The following RAB31 variants were observed in gnomAD, a reference collection of about 807,000 sequenced individuals.
RAB31 encodes the protein RAB31, member RAS oncogene family.
Under a neutral mutation model 25.6 loss-of-function variants are expected in RAB31, and 21 were observed. The ratio of observed to expected loss-of-function variants is 0.82; its 90% CI spans 0.58 to 1.18. The LOEUF (loss-of-function observed/expected upper bound fraction) is 1.18. Among genes scored for constraint, RAB31 ranks in the 50% most tolerant of loss-of-function variants. The pLI is 0.00. For synonymous variants in RAB31, 87 were observed against 84.0 expected, an observed-to-expected ratio of 1.04 and a Z score of -0.20; for missense variants, 196 against 250.1, an observed-to-expected ratio of 0.78 and a Z score of 1.46.
chr18:9,847,825 C>T (rs567425957), intron 6 of RAB31, among the ~76,000 whole-genome samples: 2 of 152,294 alleles, frequency 1.3e-5, no homozygotes, highest in Admixed American at 6.5e-5. Context: ...CTTCCCCCAT[C>T]GGCCTCCCAA....
intron 3 of RAB31, among the ~76,000 whole-genome samples, chr18:9,796,135 A>G (rs2068485991): frequency 6.6e-6 from 1 of 152,236 alleles, no homozygotes; most frequent in South Asian, 2.1e-4. Context: ...GAAGTAACAT[A>G]CTAAACATCG....
chr18:9,854,292 G>C (rs971900445), intron 6 of RAB31, among the ~76,000 whole-genome samples: 10 of 152,124 alleles, frequency 6.6e-5, no homozygotes, highest in Non-Finnish European at 1.3e-4. Context: ...TGATTTTAAA[G>C]TAGCTTAAGT....
intron 3 of RAB31, among the ~76,000 whole-genome samples, chr18:9,806,247 C>T (rs1014849098): frequency 6.6e-6 from 1 of 151,988 alleles, no homozygotes; most frequent in African/African-American, 2.4e-5. Flanking sequence ...GTTTTCTCAT[C>T]TGAATAACAG....
intron 1 of RAB31, among the ~76,000 whole-genome samples, chr18:9,774,155 A>G (rs2068360062): frequency 1.3e-5 from 2 of 152,106 alleles, no homozygotes; most frequent in Non-Finnish European, 2.9e-5. Flanking sequence ...TGCTGCACAC[A>G]TGGCCTTTGG....
At chr18:9,823,253 G>A (rs370829138) in intron 5 of RAB31, among the ~76,000 whole-genome samples, 4 of 152,126 alleles carry the variant, frequency 2.6e-5, no homozygotes, top group East Asian at 1.9e-4. Context: ...GGGAAGTAGG[G>A]GTGGGGGACG....
intron 1 of RAB31, among the ~76,000 whole-genome samples, chr18:9,774,572 G>A (rs912475255): frequency 3.9e-5 from 6 of 152,138 alleles, no homozygotes; most frequent in Non-Finnish European, 8.8e-5. Flanking sequence ...GTCTGGTGTT[G>A]TCTCTTCTCC....
At chr18:9,773,279 A>G (rs2068354821) in intron 1 of RAB31, among the ~76,000 whole-genome samples, 1 of 152,212 alleles carries the variant, frequency 6.6e-6, no homozygotes, top group Admixed American at 6.5e-5. Flanking sequence ...ATCCCACTTC[A>G]TATTTCAGTG....
At chr18:9,737,534 G>A (rs1021668036) in intron 1 of RAB31, among the ~76,000 whole-genome samples, 1 of 152,158 alleles carries the variant, frequency 6.6e-6, no homozygotes, top group African/African-American at 2.4e-5. Flanking sequence ...TGTTGGGCGG[G>A]GAAATAATGC....
intron 2 of RAB31, among the ~76,000 whole-genome samples, chr18:9,775,879 C>T (rs545626424): frequency 1.3e-5 from 2 of 152,102 alleles, no homozygotes; most frequent in African/African-American, 4.8e-5. Flanking sequence ...CTGCAACCTC[C>T]ACCTCCAGGG....
At chr18:9,713,686 T>C (rs534080693) in intron 1 of RAB31, among the ~76,000 whole-genome samples, 1 of 152,326 alleles carries the variant, frequency 6.6e-6, no homozygotes, top group East Asian at 1.9e-4. Context: ...CCATCCCTTA[T>C]GTCTTAATTT....
Position 9,723,015 on chromosome 18 carries a change from A to G in RAB31, c.39+14571A>G, listed in dbSNP as rs117632000. Among the ~76,000 whole-genome samples, 12 of 152,348 alleles carry G rather than the reference A, an allele frequency of 7.9e-5. No individual in the cohort carries two copies. In the East Asian group the frequency reaches 2.3e-3, roughly 29 times the overall value. On this transcript the variant is annotated intron_variant, in intron 1 of 6. Coordinates refer to ENST00000578921, the MANE Select transcript of RAB31 (RefSeq NM_006868.4). ...TGAAACCTCAGAAGTCTGTGTTGCAAAATAAAGCAAAGAATGCAATAGGTT... is the reference window on the plus strand; with the variant it reads ...TGAAACCTCAGAAGTCTGTGTTGCAGAATAAAGCAAAGAATGCAATAGGTT...
chr18:9,784,310 G>A (rs1306226758), intron 2 of RAB31, among the ~76,000 whole-genome samples: 2 of 152,140 alleles, frequency 1.3e-5, no homozygotes, highest in African/African-American at 4.8e-5. Context: ...AAAGTGCTGG[G>A]ATTACAGGTG....
chr18:9,825,987 G>T (rs1214344570), intron 5 of RAB31, among the ~76,000 whole-genome samples: 1 of 152,144 alleles, frequency 6.6e-6, no homozygotes, highest in South Asian at 2.1e-4. Context: ...TGCTCAGTAC[G>T]TGGGTGACAG....
At chr18:9,709,260 C>T (rs906334743) in intron 1 of RAB31, among the ~76,000 whole-genome samples, 1 of 152,180 alleles carries the variant, frequency 6.6e-6, no homozygotes, top group African/African-American at 2.4e-5. Flanking sequence ...GCTGGCGAAC[C>T]GCCCCTGGGA....
chr18:9,729,084 G>T (rs1361158514), intron 1 of RAB31, among the ~76,000 whole-genome samples: 1 of 151,988 alleles, frequency 6.6e-6, no homozygotes, highest in Non-Finnish European at 1.5e-5. Context: ...TATTGCATAT[G>T]TTTTTCCTCA....
intron 5 of RAB31, among the ~76,000 whole-genome samples, chr18:9,824,854 C>T (rs532151840): frequency 4.6e-5 from 7 of 152,294 alleles, no homozygotes; most frequent in African/African-American, 1.4e-4. Context: ...TATTGTGAAA[C>T]TGAAGTAATG....
chr18:9,742,797 CT>C (rs2068186419), intron 1 of RAB31, among the ~76,000 whole-genome samples: 2 of 152,282 alleles, frequency 1.3e-5, no homozygotes, highest in East Asian at 3.9e-4. Flanking sequence ...GTGCAGAGTG[CT>C]TTTTCCCCAG....
intron 3 of RAB31, among the ~76,000 whole-genome samples, chr18:9,811,810 A>G (rs1014566144): frequency 6.6e-6 from 1 of 152,206 alleles, no homozygotes; most frequent in African/African-American, 2.4e-5. Flanking sequence ...CTGTTTTGAG[A>G]CTATTTCTCA....
intron 1 of RAB31, among the ~76,000 whole-genome samples, chr18:9,734,232 C>T (rs938608468): frequency 6.6e-6 from 1 of 152,136 alleles, no homozygotes; most frequent in African/African-American, 2.4e-5. Flanking sequence ...TGCACTGTCA[C>T]AGCCCTGTGA....
Sources: gnomAD v4.1 joint callset for allele counts (sites outside exome capture counted in the v4.1 genomes callset) on GRCh38, gnomAD v4.1.1 for gene constraint, MANE v1.5 for transcripts, NCBI Gene and HGNC (gene_info 2026-07-23, HGNC 2026-07-21) for gene names.